Variants in THSD7A observed in about 807,000 individuals in gnomAD.
The protein encoded by THSD7A is thrombospondin type-1 domain-containing protein 7A.
THSD7A carries 96 observed loss-of-function variants against 231.3 expected under a neutral mutation model. The ratio of observed to expected loss-of-function variants is 0.41; its 90% confidence interval spans 0.35 to 0.49. The LOEUF (loss-of-function observed/expected upper bound fraction) is 0.49. Among genes scored for constraint, THSD7A ranks in the 20% least tolerant of loss-of-function variants. The pLI is 0.05. For missense variants in THSD7A, 2,290 were observed against 2,070.2 expected (o/e 1.11, Z -2.06); for synonymous variants, 940 against 743.3 (o/e 1.26, Z -4.30).
intron 1 of THSD7A, among the ~76,000 whole-genome samples, chr7:11,728,737 C>G (rs1781627799): frequency 6.6e-6 from 1 of 151,756 alleles, no homozygotes; most frequent in Non-Finnish European, 1.5e-5. Context: ...ACCAAGTAGA[C>G]TGAGAGAGGC....
intron 23 of THSD7A, among the ~76,000 whole-genome samples, chr7:11,388,165 T>G (rs1453965678): frequency 1.3e-5 from 2 of 151,928 alleles, no homozygotes; most frequent in African/African-American, 4.8e-5. Flanking sequence ...AAATTTTCTT[T>G]TTTTTTTTGT....
chr7:11,817,014 G>C lies in THSD7A; in HGVS notation c.190+14743C>G, dbSNP rs77740428. Among the ~76,000 whole-genome samples the C allele has an allele frequency of 4.8e-4, 73 of 152,256 alleles. No individual in the cohort carries two copies. In the East Asian group the frequency reaches 5.8e-3, roughly 12 times the overall value. On this transcript the variant is annotated intron_variant, in intron 1 of 27. Transcript: ENST00000423059. ...TTACAAGTGCTACACAAATTTTAAA[G>C]AATGTACAAATAAATGGGTTGTAAT...
chr7:11,555,481 G>T (rs1256114197), intron 4 of THSD7A, among the ~76,000 whole-genome samples: 1 of 151,892 alleles, frequency 6.6e-6, no homozygotes, highest in African/African-American at 2.4e-5. Context: ...TTTTATGGAT[G>T]ATGACATGGT....
At chr7:11,501,401 G>A (rs1787331651) in intron 6 of THSD7A, among the ~76,000 whole-genome samples, 1 of 152,164 alleles carries the variant, frequency 6.6e-6, no homozygotes, top group Admixed American at 6.5e-5. Flanking sequence ...CTCAACAAAT[G>A]TAAAGGAACC....
chr7:11,586,391 C>T (rs926313654), intron 4 of THSD7A, among the ~76,000 whole-genome samples: 6 of 152,118 alleles, frequency 3.9e-5, no homozygotes, highest in African/African-American at 1.2e-4. Flanking sequence ...CTTTCCTAAA[C>T]GACTTAAGGA....
At position 11,455,768 on chromosome 7, in the gene THSD7A, G is replaced by T. The variant is rs954299913; in HGVS notation, c.2605+4894C>A. On this transcript the variant is annotated intron_variant, in intron 11 of 27. Transcript: ENST00000423059. ...CTTTAACTCATTTCTGAATAAGGATGATTCTCACAAATTTGCTTTAGAGCG... is the reference window on the plus strand; with the variant it reads ...CTTTAACTCATTTCTGAATAAGGATTATTCTCACAAATTTGCTTTAGAGCG... 3.9e-5 allele frequency among the ~76,000 whole-genome samples: 6 copies of T among 152,054 alleles called. No individual in the cohort carries two copies. The South Asian group carries it at 1.2e-3, about 32-fold the overall frequency.
At chr7:11,629,050 A>G (rs759792861) in intron 2 of THSD7A, among the ~76,000 whole-genome samples, 3 of 152,180 alleles carry the variant, frequency 2.0e-5, no homozygotes, top group African/African-American at 4.8e-5. Context: ...TGGGGAGAGG[A>G]CTGCTGGATA....
intron 1 of THSD7A, among the ~76,000 whole-genome samples, chr7:11,657,722 G>A (rs112702505): frequency 1.6e-4 from 25 of 151,784 alleles, no homozygotes; most frequent in African/African-American, 5.8e-4. Context: ...ACTTTGTCAC[G>A]TTCCTTTTGT....
intron 1 of THSD7A, among the ~76,000 whole-genome samples, chr7:11,785,618 C>G (rs1252718936): frequency 6.6e-6 from 1 of 152,136 alleles, no homozygotes; most frequent in Non-Finnish European, 1.5e-5. Context: ...CTCCTGTACT[C>G]TTAGTATACT....
chr7:11,600,741 G>C (rs1220565105), intron 2 of THSD7A, among the ~76,000 whole-genome samples: 1 of 152,200 alleles, frequency 6.6e-6, no homozygotes, highest in Non-Finnish European at 1.5e-5. Flanking sequence ...ATATTTAACT[G>C]TGGTAATCAA....
chr7:11,494,056 G>C (rs1178418765), intron 6 of THSD7A, among the ~76,000 whole-genome samples: 1 of 151,920 alleles, frequency 6.6e-6, no homozygotes, highest in Non-Finnish European at 1.5e-5. Flanking sequence ...TGGGAATTTT[G>C]CTCCTATAGA....
At chr7:11,635,099 A>C (rs1016586400) in intron 2 of THSD7A, among the ~76,000 whole-genome samples, 2 of 152,182 alleles carry the variant, frequency 1.3e-5, no homozygotes, top group Admixed American at 1.3e-4. Context: ...GCCATAAGAA[A>C]AACAATCCAG....
At chr7:11,422,574 T>C (rs888205683) in intron 16 of THSD7A, among the ~76,000 whole-genome samples, 18 of 145,124 alleles carry the variant, frequency 1.2e-4, no homozygotes, top group African/African-American at 4.4e-4. Flanking sequence ...TGTTTGGAAA[T>C]GTTAAGACTA....
intron 23 of THSD7A, chr7:11,384,045 G>A (rs957175972): frequency 4.6e-5 from 7 of 151,892 alleles, no homozygotes; most frequent in Non-Finnish European, 7.4e-5. Context: ...GACCACTCTC[G>A]TCATTAAAGT....
chr7:11,551,671 C>A (rs1007299392), intron 4 of THSD7A, among the ~76,000 whole-genome samples: 6 of 152,006 alleles, frequency 3.9e-5, no homozygotes, highest in Admixed American at 1.3e-4. Context: ...GTCAGAATGG[C>A]TACTATTAAA....
At chr7:11,664,195 C>T (rs1263554240) in intron 1 of THSD7A, among the ~76,000 whole-genome samples, 1 of 151,254 alleles carries the variant, frequency 6.6e-6, no homozygotes, top group Non-Finnish European at 1.5e-5. Flanking sequence ...TTCAGGAAGA[C>T]CAAGAAATTA....
intron 4 of THSD7A, among the ~76,000 whole-genome samples, chr7:11,578,443 T>C (rs1791013108): frequency 6.6e-6 from 1 of 152,226 alleles, no homozygotes; most frequent in African/African-American, 2.4e-5. Flanking sequence ...GGCATTTCTC[T>C]GTCTTTTTAA....
chr7:11,510,724 GC>G (rs1232597657), intron 6 of THSD7A, among the ~76,000 whole-genome samples: 3 of 151,996 alleles, frequency 2.0e-5, no homozygotes, highest in Non-Finnish European at 4.4e-5. Flanking sequence ...AAATTCAACA[GC>G]CCTTCATGCT....
intron 1 of THSD7A, among the ~76,000 whole-genome samples, chr7:11,777,750 G>A (rs1783463705): frequency 6.6e-6 from 1 of 152,090 alleles, no homozygotes; most frequent in South Asian, 2.1e-4. Flanking sequence ...ATTTAACAGG[G>A]ATGAAATAAA....
Sources: gnomAD v4.1 joint callset for allele counts (sites outside exome capture counted in the v4.1 genomes callset) on GRCh38, gnomAD v4.1.1 for gene constraint, MANE v1.5 for transcripts, NCBI Gene and HGNC (gene_info 2026-07-23, HGNC 2026-07-21) for gene names.